BLM: variants seen among roughly 807,000 people sequenced by gnomAD.
BLM encodes the protein BLM RecQ like helicase, also known as recQ-like DNA helicase BLM.
Under a neutral mutation model 135.3 loss-of-function variants are expected in BLM, and 95 were observed. The observed-to-expected ratio is 0.70, with a 90% CI of 0.59 to 0.83. The LOEUF (loss-of-function observed/expected upper bound fraction) is 0.83, where lower values mean the gene tolerates loss of function less well. BLM is among the 40% of genes least tolerant of loss of function. BLM has a pLI of 0.00. For missense variants in BLM, 1,518 were observed against 1,663.9 expected (o/e 0.91, Z 1.53); for synonymous variants, 520 against 589.2 (o/e 0.88, Z 1.70).
intron 5 of BLM, chr15:90,755,223 G>T: frequency 2.5e-6 from 1 of 401,714 alleles, no homozygotes; most frequent in African/African-American, 2.1e-5. Context: ...AATTCTAGGA[G>T]GTTTTTAAAT....
Position 90,811,340 on chromosome 15 carries a change from A to T in BLM, c.4010A>T (p.Lys1337Ile). ...AAAACCAGAAATGAAAGGAAGAGGA[A>T]AAAGATGCCAGCCTCCCAAAGGTCT... ...ASKTRNERKR[K>I]KMPASQRSKR... Residue 1337 changes from lysine (K) to isoleucine (I), a missense_variant, in exon 21 of 22, where the codon AAA becomes ATA. Lys to Ile is a moderately radical substitution (Grantham distance 102, BLOSUM62 -3). This residue lies in a region of BLM where 153 missense variants were observed against 173.4 expected (regional missense o/e 0.88). Coordinates refer to ENST00000355112, the MANE Select transcript of BLM (RefSeq NM_000057.4). 6.2e-7 allele frequency: 1 copy of T among 1,614,202 alleles called. No individual in the cohort carries two copies. Among genetic ancestry groups the T allele is most frequent in the Non-Finnish European group, 8.5e-7 (1 of 1,180,032 alleles).
chr15:90,755,040 A>C, intron 5 of BLM, 102 bp downstream of exon 5: 5 of 1,421,356 alleles, frequency 3.5e-6, no homozygotes, highest in Non-Finnish European at 4.8e-6. Flanking sequence ...TATGTTATAA[A>C]ATGGCAGATT....
intron 12 of BLM, among the ~76,000 whole-genome samples, chr15:90,774,030 C>G (rs1896401273): frequency 7.0e-6 from 1 of 143,666 alleles, no homozygotes. Context: ...CTTTTCAATT[C>G]AAGGACTACT....
chr15:90,730,929 C>T (rs564470534), intron 1 of BLM, among the ~76,000 whole-genome samples: 23 of 151,700 alleles, frequency 1.5e-4, no homozygotes, highest in African/African-American at 3.1e-4. Flanking sequence ...AACTTGGTCT[C>T]GGTATTTTTT....
Position 90,815,429 on chromosome 15 carries a change from CT to C in BLM, c.*155del. 2 of 863,976 alleles carry C rather than the reference CT, an allele frequency of 2.3e-6. No homozygotes were observed. The highest frequency in any genetic ancestry group is 3.5e-6 in the Non-Finnish European group (2 of 568,294). The allele number at this position is 863,976 out of a possible 1,614,324, so 53.5% of individuals were successfully genotyped here. ...TAAATGCTGGGGGGTGATAGTTCTT[CT>C]TTTTAAAATAAACATTTTCTTTTGA... On this transcript the variant is annotated 3_prime_UTR_variant, in exon 22 of 22. Transcript: ENST00000355112. This position sits in a 1 kb window ranked among gnomAD's most constrained non-coding sequence, Gnocchi z 4.6.
intron 19 of BLM, among the ~76,000 whole-genome samples, chr15:90,808,247 C>G (rs920497664): frequency 6.6e-6 from 1 of 152,142 alleles, no homozygotes; most frequent in Non-Finnish European, 1.5e-5. Context: ...CTGTTCTGTC[C>G]ACAGTCTCTT....
chr15:90,739,867 A>T (rs1338479073), intron 1 of BLM, among the ~76,000 whole-genome samples: 1 of 152,092 alleles, frequency 6.6e-6, no homozygotes, highest in African/African-American at 2.4e-5. Context: ...CTGGTTGAGC[A>T]GTCCTCCCAC....
At chr15:90,743,583 C>T (rs1290231518) in intron 1 of BLM, among the ~76,000 whole-genome samples, 1 of 151,922 alleles carries the variant, frequency 6.6e-6, no homozygotes, top group Non-Finnish European at 1.5e-5. Flanking sequence ...GGCTATAGTG[C>T]AGTGGCTGTT....
rs181892828 is a variant in BLM at position 90,750,028 on chromosome 15, G to A, written c.760G>A (p.Glu254Lys). The A allele has an allele frequency of 6.2e-7, 1 of 1,614,156 alleles. No homozygotes were observed. Among genetic ancestry groups the A allele is most frequent in the East Asian group, 2.2e-5 (1 of 44,882 alleles). ...AEVHINEDAQ[E>K]SDSLKTHLED... is the part of the protein sequence containing the mutation. ...AGTGCATATAAATGAAGATGCTCAG[G>A]AAAGTGACTCTCTGAAAACTCATTT... Residue 254 changes from glutamate (E) to lysine (K), a missense_variant, in exon 3 of 22, where the codon GAA (glutamate) becomes AAA (lysine). By Grantham distance (56) the Glu-to-Lys change is moderately conservative. This residue lies in a region of BLM where 724 missense variants were observed against 756.9 expected (regional missense o/e 0.96). Coordinates refer to ENST00000355112, the MANE Select transcript of BLM (RefSeq NM_000057.4).
At chr15:90,767,112 G>T in intron 10 of BLM, 89 bp downstream of exon 10, 1 of 800,842 alleles carries the variant, frequency 1.2e-6, no homozygotes, top group Middle Eastern at 3.8e-4. Flanking sequence ...TGTATACGTA[G>T]TGCAAAGAAT....
intron 10 of BLM, 118 bp downstream of exon 10, chr15:90,767,141 C>T: frequency 1.6e-6 from 1 of 614,340 alleles, no homozygotes; most frequent in Non-Finnish European, 2.8e-6. Flanking sequence ...AACTTTCATC[C>T]AGAAACCCCA....
Position 90,755,302 on chromosome 15 carries a change from C to T in BLM, c.1087+364C>T, listed in dbSNP as rs1895788545. 3 of 266,958 alleles carry T rather than the reference C, an allele frequency of 1.1e-5. 1 individual carries two copies. The highest frequency in any genetic ancestry group is 8.4e-5 in the South Asian group (2 of 23,948). The allele number at this position is 266,958 out of a possible 1,614,324, so 16.5% of individuals were successfully genotyped here. ...AAACACGGACCACAGAGCGTAATCT[C>T]ATCATAATAGAGTTTCCCTCCCCCT... On this transcript the variant is annotated intron_variant, in intron 5 of 21. Coordinates refer to ENST00000355112, the MANE Select transcript of BLM (RefSeq NM_000057.4).
intron 8 of BLM, among the ~76,000 whole-genome samples, chr15:90,764,808 G>C (rs1433566517): frequency 6.6e-6 from 1 of 152,072 alleles, no homozygotes; most frequent in Non-Finnish European, 1.5e-5. Context: ...TAGGCCGGGC[G>C]CAGTGGCTTG....
intron 12 of BLM, among the ~76,000 whole-genome samples, chr15:90,773,183 G>T (rs1896373041): frequency 1.3e-5 from 2 of 151,814 alleles, no homozygotes; most frequent in Non-Finnish European, 2.9e-5. Flanking sequence ...ACTTTGGGAG[G>T]CCAAGGGAGA....
At chr15:90,748,398 A>G (rs1419111097) in intron 2 of BLM, among the ~76,000 whole-genome samples, 1 of 152,108 alleles carries the variant, frequency 6.6e-6, no homozygotes, top group Admixed American at 6.5e-5. Context: ...GTGAGCCACC[A>G]CGCCCGGCCA....
intron 15 of BLM, among the ~76,000 whole-genome samples, chr15:90,793,486 CTG>C (rs1896956222): frequency 6.6e-6 from 1 of 152,198 alleles, no homozygotes; most frequent in Non-Finnish European, 1.5e-5. Context: ...TATGCCACTG[CTG>C]TTCTCACACA....
chr15:90,741,201 A>G (rs140435929), intron 1 of BLM, among the ~76,000 whole-genome samples: 4 of 152,346 alleles, frequency 2.6e-5, no homozygotes, highest in African/African-American at 7.2e-5. Flanking sequence ...CTAGTGTACA[A>G]TTCACTGCCC....
At chr15:90,744,844 G>T (rs1290470014) in intron 1 of BLM, among the ~76,000 whole-genome samples, 1 of 151,952 alleles carries the variant, frequency 6.6e-6, no homozygotes, top group African/African-American at 2.4e-5. Context: ...GAGCACAGGA[G>T]TTCGAGGCCA....
intron 5 of BLM, among the ~76,000 whole-genome samples, chr15:90,759,663 A>G (rs1333193203): frequency 1.3e-5 from 2 of 151,736 alleles, no homozygotes; most frequent in Admixed American, 1.3e-4. Context: ...CTGGAGTGCA[A>G]TGGCACGATC....
Sources: allele counts gnomAD v4.1 joint callset (sites outside exome capture counted in the v4.1 genomes callset), GRCh38; gene constraint gnomAD v4.1.1; regional missense constraint gnomAD v4.1.1; non-coding constraint Gnocchi (gnomAD v3.1); transcripts MANE v1.5; gene names NCBI Gene and HGNC (gene_info 2026-07-23, HGNC 2026-07-21).